Variants in DOCK3 observed in about 807,000 individuals in gnomAD.
DOCK3 encodes the protein dedicator of cytokinesis protein 3.
DOCK3 carries 60 observed loss-of-function variants against 265.6 expected under a neutral mutation model. The ratio of observed to expected loss-of-function variants is 0.23; its 90% confidence interval spans 0.18 to 0.28. DOCK3 has a LOEUF of 0.28. Among genes scored for constraint, DOCK3 ranks in the 10% least tolerant of loss-of-function variants. The pLI is 1.00. For missense variants in DOCK3, 1,981 were observed against 2,594.3 expected (o/e 0.76, Z 5.14); for synonymous variants, 881 against 938.0 (o/e 0.94, Z 1.11).
intron 23 of DOCK3, among the ~76,000 whole-genome samples, chr3:51,263,359 C>A (rs2079965509): frequency 6.6e-6 from 1 of 152,166 alleles, no homozygotes; most frequent in South Asian, 2.1e-4. Flanking sequence ...CTTTTACAGA[C>A]AAGCAAATGC....
chr3:50,835,522 G>A (rs1222569626), intron 2 of DOCK3, among the ~76,000 whole-genome samples: 1 of 152,136 alleles, frequency 6.6e-6, no homozygotes, highest in Non-Finnish European at 1.5e-5. Flanking sequence ...AATTGTTCAT[G>A]GATGACAAAA....
chr3:50,719,575 A>T, intron 1 of DOCK3: 1 of 1,403,096 alleles, frequency 7.1e-7, no homozygotes, highest in Non-Finnish European at 1.0e-6. Flanking sequence ...TATTAATGCT[A>T]TTATTCACCT....
At chr3:50,684,001 A>G (rs1342198205) in intron 1 of DOCK3, among the ~76,000 whole-genome samples, 3 of 151,810 alleles carry the variant, frequency 2.0e-5, no homozygotes, top group Admixed American at 6.6e-5. Flanking sequence ...ATGCTGGACA[A>G]CTCACCCTTT....
At chr3:51,137,229 A>C (rs2084847539) in intron 9 of DOCK3, among the ~76,000 whole-genome samples, 1 of 152,196 alleles carries the variant, frequency 6.6e-6, no homozygotes, top group Admixed American at 6.5e-5. Flanking sequence ...AGGGGATATT[A>C]GATATTTCCT....
At chr3:51,375,670 T>C (rs1208321028) in intron 50 of DOCK3, 78 bp from the exon 51 acceptor site, 2 of 1,510,458 alleles carry the variant, frequency 1.3e-6, no homozygotes, top group East Asian at 4.5e-5. Context: ...GTGTCCTGTC[T>C]CTCGTCGCCC....
At chr3:51,035,294 G>T in intron 5 of DOCK3, among the ~76,000 whole-genome samples, 1 of 151,352 alleles carries the variant, frequency 6.6e-6, no homozygotes, top group Non-Finnish European at 1.5e-5. Context: ...TTTATTCTTT[G>T]TCTTTTCAGA....
chr3:50,988,348 A>C (rs1303448850), intron 5 of DOCK3, among the ~76,000 whole-genome samples: 1 of 151,974 alleles, frequency 6.6e-6, no homozygotes, highest in East Asian at 1.9e-4. Flanking sequence ...ACCCCCCCAC[A>C]ACCCCTGTTG....
At chr3:51,013,468 A>G (rs530383517) in intron 5 of DOCK3, among the ~76,000 whole-genome samples, 3 of 152,298 alleles carry the variant, frequency 2.0e-5, no homozygotes, top group East Asian at 3.9e-4. Flanking sequence ...TTGCCTGGGT[A>G]TCACCAGTGG....
intron 5 of DOCK3, among the ~76,000 whole-genome samples, chr3:51,046,222 TAGTA>T (rs2080772728): frequency 6.6e-6 from 1 of 152,172 alleles, no homozygotes; most frequent in East Asian, 1.9e-4. Context: ...AAACTGTTAA[TAGTA>T]AGTCCTTAAC....
chr3:51,161,120 A>C (rs566030102), intron 12 of DOCK3, among the ~76,000 whole-genome samples: 1 of 150,168 alleles, frequency 6.7e-6, no homozygotes. Context: ...ACACAGAATC[A>C]CCAGGATGTA....
At chr3:51,276,991 G>A (rs769494549) in intron 25 of DOCK3, among the ~76,000 whole-genome samples, 5 of 152,168 alleles carry the variant, frequency 3.3e-5, no homozygotes, top group Non-Finnish European at 7.4e-5. Flanking sequence ...ATGCACTGAG[G>A]CTGGAGTCCT....
intron 1 of DOCK3, among the ~76,000 whole-genome samples, chr3:50,705,661 T>C (rs1424903038): frequency 1.3e-5 from 2 of 151,874 alleles, no homozygotes; most frequent in Non-Finnish European, 2.9e-5. Flanking sequence ...TTGATCTGCC[T>C]ACCTCAGCCT....
intron 12 of DOCK3, among the ~76,000 whole-genome samples, chr3:51,170,433 T>A (rs2086617702): frequency 6.6e-6 from 1 of 152,176 alleles, no homozygotes; most frequent in Non-Finnish European, 1.5e-5. Flanking sequence ...TTCTTATTAT[T>A]GATTTTTTTT....
intron 5 of DOCK3, among the ~76,000 whole-genome samples, chr3:51,038,642 G>A (rs1017508182): frequency 6.6e-6 from 1 of 152,186 alleles, no homozygotes; most frequent in African/African-American, 2.4e-5. Context: ...GTTTCTCACT[G>A]TATAGTGATA....
chr3:51,147,602 G>C (rs1364117225), intron 10 of DOCK3, among the ~76,000 whole-genome samples: 2 of 152,098 alleles, frequency 1.3e-5, no homozygotes, highest in African/African-American at 4.8e-5. Flanking sequence ...TTGGTTTTCT[G>C]TCCTTGTGAT....
chr3:51,075,407 G>C lies in DOCK3; in HGVS notation c.516G>C (p.Ser172=). ...GGAAGGACTTTGAAGTAGTGGACTC[G>C]GACCAGATTAGTGTCTCAGATCTCT... ...VPRKDFEVVD[S]DQISVSDLYK... is the part of the protein sequence containing the mutation. The change falls in exon 7 of 53, where the codon TCG becomes TCC. Residue 172 remains serine, a synonymous_variant. Coordinates refer to ENST00000266037, the MANE Select transcript of DOCK3 (RefSeq NM_004947.5). 6.2e-7 allele frequency: 1 copy of C among 1,610,786 alleles called. No homozygotes were observed. The highest frequency in any genetic ancestry group is 1.1e-5 in the South Asian group (1 of 90,074).
At chr3:50,899,720 T>C (rs2049079612) in intron 4 of DOCK3, among the ~76,000 whole-genome samples, 1 of 152,198 alleles carries the variant, frequency 6.6e-6, no homozygotes, top group Admixed American at 6.5e-5. Flanking sequence ...GGATTTTATT[T>C]CTCTTTCACT....
At chr3:50,827,753 T>C (rs567834949) in intron 2 of DOCK3, among the ~76,000 whole-genome samples, 10 of 152,306 alleles carry the variant, frequency 6.6e-5, no homozygotes, top group African/African-American at 2.2e-4. Context: ...ATTTGCACTT[T>C]GATATAGTTA....
chr3:51,277,196 C>T (rs768870392), intron 25 of DOCK3, among the ~76,000 whole-genome samples: 1 of 152,224 alleles, frequency 6.6e-6, no homozygotes. Context: ...AGCTGCCACA[C>T]CCTGTAGTGT....
Sources: gnomAD v4.1 joint callset for allele counts (sites outside exome capture counted in the v4.1 genomes callset) on GRCh38, gnomAD v4.1.1 for gene constraint, MANE v1.5 for transcripts, NCBI Gene and HGNC (gene_info 2026-07-23, HGNC 2026-07-21) for gene names.